Variants in PCDHGA2 observed in about 807,000 individuals in gnomAD.
PCDHGA2 encodes protocadherin gamma subfamily A, 2, also known as protocadherin gamma-A2.
PCDHGA2 carries 40 observed loss-of-function variants against 59.2 expected under a neutral mutation model. The observed-to-expected ratio is 0.68, with a 90% CI of 0.52 to 0.88. PCDHGA2 has a LOEUF of 0.88. Among genes scored for constraint, PCDHGA2 ranks in the 40% least tolerant of loss-of-function variants. The pLI is 0.00. For missense variants in PCDHGA2, 1,226 were observed against 1,204.0 expected, an observed-to-expected ratio of 1.02 and a Z score of -0.27; for synonymous variants, 560 against 526.0, an observed-to-expected ratio of 1.06 and a Z score of -0.89.
chr5:141,340,640 G>C lies in PCDHGA2; in HGVS notation c.1669G>C (p.Asp557His). The change falls in exon 1 of 4, where the codon GAC (aspartate) becomes CAC (histidine). Residue 557 changes from aspartate to histidine, a missense_variant. Coordinates refer to ENST00000394576, the MANE Select transcript of PCDHGA2 (RefSeq NM_018915.4). ...SLSLFVLDQN[D>H]NAPEILYPAF... ...AAGCCTGTTCGTGCTGGACCAGAAC[G>C]ACAACGCGCCCGAGATCCTGTACCC... The C allele has an allele frequency of 1.2e-6, 2 of 1,614,220 alleles. No individual in the cohort carries two copies. Among genetic ancestry groups the C allele is most frequent in the Middle Eastern group, 1.6e-4 (1 of 6,062 alleles).
At chr5:141,361,722 G>A in intron 1 of PCDHGA2, 4 of 1,613,314 alleles carry the variant, frequency 2.5e-6, no homozygotes, top group East Asian at 2.2e-5. Flanking sequence ...GCGCCTTCGA[G>A]CTCACACTGC....
At chr5:141,352,002 GCT>G in intron 1 of PCDHGA2, 1 of 1,610,546 alleles carries the variant, frequency 6.2e-7, no homozygotes, top group Non-Finnish European at 8.5e-7. Flanking sequence ...GCAGAGCCCG[GCT>G]ACCTGGTGAC....
chr5:141,361,675 G>T, intron 1 of PCDHGA2: 1 of 1,613,636 alleles, frequency 6.2e-7, no homozygotes, highest in Non-Finnish European at 8.5e-7. Context: ...GAGCGGGGTG[G>T]TGTTCGCGCA....
chr5:141,419,334 T>C (rs1260087339), intron 1 of PCDHGA2: 3 of 1,613,870 alleles, frequency 1.9e-6, no homozygotes, highest in Non-Finnish European at 8.5e-7. Flanking sequence ...TACTCTCTCA[T>C]TGCCAGCGAC....
chr5:141,399,968 G>T (rs1173181110), intron 1 of PCDHGA2: 2 of 1,612,128 alleles, frequency 1.2e-6, no homozygotes, highest in Non-Finnish European at 1.7e-6. Flanking sequence ...GGGCTCTTCA[G>T]CCTGGGGCTG....
intron 1 of PCDHGA2, among the ~76,000 whole-genome samples, chr5:141,353,287 T>A (rs747205699): frequency 1.3e-5 from 2 of 152,228 alleles, no homozygotes; most frequent in Non-Finnish European, 2.9e-5. Context: ...GTCATTTTAT[T>A]CTTAGCTCTT....
At chr5:141,360,953 T>G in intron 1 of PCDHGA2, 1 of 1,613,930 alleles carries the variant, frequency 6.2e-7, no homozygotes, top group Non-Finnish European at 8.5e-7. Context: ...GATGAAGGCA[T>G]AAACGCAGAG....
intron 1 of PCDHGA2, chr5:141,355,778 A>T (rs1221336754): frequency 3.1e-6 from 5 of 1,613,808 alleles, no homozygotes; most frequent in Admixed American, 3.3e-5. Flanking sequence ...AAGTACCCAG[A>T]GCTGGTGCTG....
At chr5:141,378,061 A>G (rs1285707649) in intron 1 of PCDHGA2, 4 of 152,212 alleles carry the variant, frequency 2.6e-5, no homozygotes, top group African/African-American at 9.7e-5. Flanking sequence ...TCTGACTCAA[A>G]TTCTAAGAAA....
intron 1 of PCDHGA2, chr5:141,362,465 C>A: frequency 6.2e-7 from 1 of 1,614,054 alleles, no homozygotes; most frequent in South Asian, 1.1e-5. Context: ...TTGGTTCCCG[C>A]GCAAGATCTC....
In PCDHGA2 at chr5:141,340,027, T is replaced by A. The variant is rs745582033; in HGVS notation, c.1056T>A (p.Ala352=). 2 of 1,614,224 alleles carry A rather than the reference T, an allele frequency of 1.2e-6. No individual in the cohort carries two copies. Among genetic ancestry groups the A allele is most frequent in the Non-Finnish European group, 1.7e-6 (2 of 1,180,044 alleles). Residue 352 remains alanine, a synonymous_variant, in exon 1 of 4, where the codon GCT becomes GCA. Transcript: ENST00000394576. The part of the protein sequence containing the change: ...DNAPEFYMTS[A]TSSVSEDSLP... ...CCCCAGAATTTTACATGACATCTGCTACTAGCTCAGTTTCTGAAGACTCTC... is the reference window on the plus strand; with the variant it reads ...CCCCAGAATTTTACATGACATCTGCAACTAGCTCAGTTTCTGAAGACTCTC...
rs2099609528 is a variant in PCDHGA2 at position 141,485,211 on chromosome 5, G to A, written c.2425-9596G>A. 6.2e-7 allele frequency: 1 copy of A among 1,614,126 alleles called. No individual in the cohort carries two copies. The highest frequency in any genetic ancestry group is 8.5e-7 in the Non-Finnish European group (1 of 1,179,980). Reference sequence around the variant, plus strand: ...GTGAGAAGCTGGACAGAAATCTGGCGGTGGGCTACCCTTTTGTTCCTCTTT... The same window carrying A: ...GTGAGAAGCTGGACAGAAATCTGGCAGTGGGCTACCCTTTTGTTCCTCTTT... On this transcript the variant is annotated intron_variant, in intron 1 of 3. Transcript: ENST00000394576. This position sits in a 1 kb window ranked among gnomAD's most constrained non-coding sequence, Gnocchi z 5.7.
chr5:141,510,621 A>G (rs1317150967), intron 3 of PCDHGA2, among the ~76,000 whole-genome samples: 1 of 152,176 alleles, frequency 6.6e-6, no homozygotes, highest in Non-Finnish European at 1.5e-5. Flanking sequence ...CACTAAAACC[A>G]GAAGAGGTGG....
At chr5:141,510,860 G>A (rs1274817106) in intron 3 of PCDHGA2, 87 bp from the exon 4 acceptor site, 11 of 1,606,558 alleles carry the variant, frequency 6.8e-6, no homozygotes, top group South Asian at 4.4e-5. Context: ...GTGCTGTATA[G>A]GCATTCATTA....
At chr5:141,433,400 TATCTATTA>T (rs1426636766) in intron 1 of PCDHGA2, among the ~76,000 whole-genome samples, 16 of 151,506 alleles carry the variant, frequency 1.1e-4, no homozygotes, top group African/African-American at 3.4e-4. Context: ...TCTATCTATC[TATCTATTA>T]CTTTCTTGTA....
rs1173627393 is a variant in PCDHGA2 at position 141,487,102 on chromosome 5, G to A, written c.2425-7705G>A. ...CAGCTGACCTCCCACCACAGAAGCT[G>A]GTCATTGTGGTAAAGGATAGTGGTA... On this transcript the variant is annotated intron_variant, in intron 1 of 3. Coordinates refer to ENST00000394576, the MANE Select transcript of PCDHGA2 (RefSeq NM_018915.4). This position sits in a 1 kb window ranked among gnomAD's most constrained non-coding sequence, Gnocchi z 5.0. 1 of 1,613,900 alleles carries A rather than the reference G, an allele frequency of 6.2e-7. No homozygotes were observed.
intron 1 of PCDHGA2, chr5:141,370,906 A>C (rs918888643): frequency 9.3e-6 from 15 of 1,613,840 alleles, no homozygotes; most frequent in Non-Finnish European, 1.3e-5. Context: ...CAGCAGTACT[A>C]CCTCAGCCCT....
At chr5:141,503,474 T>C (rs2099820145) in intron 2 of PCDHGA2, among the ~76,000 whole-genome samples, 1 of 151,828 alleles carries the variant, frequency 6.6e-6, no homozygotes, top group South Asian at 2.1e-4. Context: ...ATGTGTGCAC[T>C]TGTCGTCCCA....
chr5:141,415,740 G>GTTTTTTTTTTTTTTTTTTTTTTTTTT, intron 1 of PCDHGA2: 11 of 617,992 alleles, frequency 1.8e-5, no homozygotes, highest in Middle Eastern at 5.6e-4. Context: ...GTTTATTAAG[G>GTTTTTTTTTTTTTTTTTTTTTTTTTT]TTTTTTTTTT....
Sources: gnomAD v4.1 joint callset for allele counts (sites outside exome capture counted in the v4.1 genomes callset) on GRCh38, gnomAD v4.1.1 for gene constraint, Gnocchi (gnomAD v3.1) non-coding constraint, MANE v1.5 for transcripts, NCBI Gene and HGNC (gene_info 2026-07-23, HGNC 2026-07-21) for gene names.